The following ALK variants were observed in gnomAD, a reference collection of about 807,000 sequenced individuals.
ALK encodes ALK tyrosine kinase receptor.
In ALK, 74 loss-of-function variants were observed where a neutral mutation model predicts 163.1. That is an observed-to-expected ratio of 0.45 (90% CI 0.38 to 0.55). ALK has a LOEUF of 0.55. Among genes scored for constraint, ALK ranks in the 20% least tolerant of loss-of-function variants. The probability of loss-of-function intolerance (pLI) is 0.00; values close to 1 mark genes in which losing one functional copy is unlikely to be tolerated. For synonymous variants in ALK, 960 were observed against 843.2 expected, an observed-to-expected ratio of 1.14 and a Z score of -2.40; for missense variants, 2,063 against 2,105.3, an observed-to-expected ratio of 0.98 and a Z score of 0.39.
intron 1 of ALK, among the ~76,000 whole-genome samples, chr2:29,765,537 C>T (rs569957318): frequency 4.6e-5 from 7 of 152,206 alleles, no homozygotes; most frequent in South Asian, 2.1e-4. Flanking sequence ...GTCTCAAACT[C>T]GTGGGCTCAA....
chr2:29,209,467 G>A (rs1437652340), intron 25 of ALK, among the ~76,000 whole-genome samples: 7 of 151,446 alleles, frequency 4.6e-5, no homozygotes, highest in African/African-American at 7.3e-5. Context: ...GCTTGAACCC[G>A]GGAGGCAGAG....
At chr2:29,696,299 C>T (rs890004726) in intron 2 of ALK, among the ~76,000 whole-genome samples, 16 of 152,096 alleles carry the variant, frequency 1.1e-4, no homozygotes, top group African/African-American at 2.2e-4. Flanking sequence ...AAACCAAATA[C>T]GGCATGTTCT....
intron 3 of ALK, among the ~76,000 whole-genome samples, chr2:29,544,057 T>C (rs1285725335): frequency 6.6e-6 from 1 of 152,212 alleles, no homozygotes; most frequent in Non-Finnish European, 1.5e-5. Context: ...CAATAAACTA[T>C]TAAATCATTA....
chr2:29,304,280 A>G (rs1284117370), intron 8 of ALK, among the ~76,000 whole-genome samples: 1 of 151,986 alleles, frequency 6.6e-6, no homozygotes, highest in Non-Finnish European at 1.5e-5. Context: ...GGCAGATCAC[A>G]AGGTCAGGAG....
intron 9 of ALK, among the ~76,000 whole-genome samples, chr2:29,277,291 C>G (rs538833131): frequency 6.0e-4 from 92 of 152,296 alleles, no homozygotes; most frequent in African/African-American, 2.1e-3. Context: ...GCTCCCGTTG[C>G]GCCTGTGTGC....
rs372664321 is a variant in ALK at position 29,815,495 on chromosome 2, GC to G, written c.668-97799del. 3.0e-4 allele frequency among the ~76,000 whole-genome samples: 45 copies of G among 152,130 alleles called. No homozygotes were observed. The East Asian group carries it at 7.2e-3, about 24-fold the overall frequency. On this transcript the variant is annotated intron_variant, in intron 1 of 28. Transcript: ENST00000389048. ...GGGAGGCACTGGGACTCTGCGCCGGGCCCCTTCTTCCACCAGTCCCTCTCTG... is the reference window on the plus strand; with the variant it reads ...GGGAGGCACTGGGACTCTGCGCCGGGCCCTTCTTCCACCAGTCCCTCTCTG...
At chr2:29,538,309 C>A (rs1309599716) in intron 3 of ALK, among the ~76,000 whole-genome samples, 1 of 152,054 alleles carries the variant, frequency 6.6e-6, no homozygotes, top group African/African-American at 2.4e-5. Flanking sequence ...ATCATGGGGG[C>A]AAATCCCTCA....
At chr2:29,394,549 G>A (rs749504072) in intron 4 of ALK, among the ~76,000 whole-genome samples, 2 of 152,186 alleles carry the variant, frequency 1.3e-5, no homozygotes, top group South Asian at 2.1e-4. Flanking sequence ...GAGAGAGTGT[G>A]GATGGTGCTG....
At chr2:29,533,310 C>T (rs1673167930) in intron 3 of ALK, among the ~76,000 whole-genome samples, 1 of 152,096 alleles carries the variant, frequency 6.6e-6, no homozygotes. Flanking sequence ...TTATCATGGG[C>T]ACAGAGGAAA....
intron 2 of ALK, among the ~76,000 whole-genome samples, chr2:29,714,142 G>T (rs1679183479): frequency 6.6e-6 from 1 of 151,768 alleles, no homozygotes. Context: ...TAAGTCTAAG[G>T]GCATGAGAGC....
In ALK at chr2:29,227,132, T is replaced by C. The variant is rs2148178900; in HGVS notation, c.2915-58A>G. 1 of 1,611,616 alleles carries C rather than the reference T, an allele frequency of 6.2e-7. No homozygotes were observed. Among genetic ancestry groups the C allele is most frequent in the Non-Finnish European group, 8.5e-7 (1 of 1,178,206 alleles). ...CGAGCCTGCCTCCCCACTCCCAGCC[T>C]CAGTACTATGTCTCCAGGTGGTCAC... On this transcript the variant is annotated intron_variant, in intron 17 of 28. Transcript: ENST00000389048. The surrounding 1 kb of genome is among the most constrained non-coding windows in gnomAD (Gnocchi z 4.4).
chr2:29,600,088 G>A (rs369075579), intron 3 of ALK, among the ~76,000 whole-genome samples: 1 of 152,184 alleles, frequency 6.6e-6, no homozygotes, highest in Non-Finnish European at 1.5e-5. Flanking sequence ...ACGTGGGGCA[G>A]ACCAGTGGCC....
chr2:29,903,122 A>T (rs1440401889), intron 1 of ALK, among the ~76,000 whole-genome samples: 1 of 152,208 alleles, frequency 6.6e-6, no homozygotes, highest in African/African-American at 2.4e-5. Flanking sequence ...AAGTCTTTAA[A>T]GTCAGGGACT....
intron 11 of ALK, among the ~76,000 whole-genome samples, chr2:29,258,577 C>T (rs1215635071): frequency 6.6e-6 from 1 of 152,220 alleles, no homozygotes; most frequent in Non-Finnish European, 1.5e-5. Context: ...GGTTCTCTAT[C>T]ATCCTCTGAA....
intron 4 of ALK, among the ~76,000 whole-genome samples, chr2:29,474,089 A>G (rs1027803547): frequency 6.6e-6 from 1 of 152,236 alleles, no homozygotes; most frequent in African/African-American, 2.4e-5. Flanking sequence ...AGAAATGTAT[A>G]TATGCTCCAA....
At chr2:29,849,545 G>A (rs371203729) in intron 1 of ALK, among the ~76,000 whole-genome samples, 5 of 152,312 alleles carry the variant, frequency 3.3e-5, no homozygotes, top group South Asian at 4.1e-4. Context: ...CAGGGCCTAC[G>A]TGGCACCTCA....
At chr2:29,426,501 G>A (rs1670137964) in intron 4 of ALK, among the ~76,000 whole-genome samples, 1 of 152,114 alleles carries the variant, frequency 6.6e-6, no homozygotes, top group South Asian at 2.1e-4. Context: ...GCAGTGGGGT[G>A]GCATGTTCAA....
chr2:29,355,213 A>G, intron 5 of ALK, among the ~76,000 whole-genome samples: 1 of 152,222 alleles, frequency 6.6e-6, no homozygotes, highest in East Asian at 1.9e-4. Flanking sequence ...GTGCATTCAC[A>G]GATGAGATGT....
chr2:29,685,142 G>A (rs1368907985), intron 3 of ALK, among the ~76,000 whole-genome samples: 1 of 152,148 alleles, frequency 6.6e-6, no homozygotes, highest in African/African-American at 2.4e-5. Context: ...TTTCATTTGG[G>A]ACAGGAAACG....
Sources: gnomAD v4.1 joint callset for allele counts (sites outside exome capture counted in the v4.1 genomes callset) on GRCh38, gnomAD v4.1.1 for gene constraint, Gnocchi (gnomAD v3.1) non-coding constraint, MANE v1.5 for transcripts, NCBI Gene and HGNC (gene_info 2026-07-23, HGNC 2026-07-21) for gene names.